The following NID2 variants were observed in gnomAD, a reference collection of about 807,000 sequenced individuals.
The protein encoded by NID2 is nidogen 2.
Under a neutral mutation model 145.4 loss-of-function variants are expected in NID2, and 83 were observed. The ratio of observed to expected loss-of-function variants is 0.57; its 90% CI spans 0.48 to 0.69. NID2 has a LOEUF of 0.69. Ranked by LOEUF, NID2 falls within the 30% of genes least tolerant of loss-of-function variation. The pLI is 0.00. For missense variants in NID2, 1,807 were observed against 1,765.7 expected, an observed-to-expected ratio of 1.02 and a Z score of -0.42; for synonymous variants, 739 against 701.3, an observed-to-expected ratio of 1.05 and a Z score of -0.85.
intron 9 of NID2, among the ~76,000 whole-genome samples, chr14:52,033,136 G>C (rs1345410604): frequency 1.3e-5 from 2 of 152,254 alleles, no homozygotes; most frequent in Non-Finnish European, 2.9e-5. Flanking sequence ...TCCTATTATA[G>C]TAAGTAAAGA....
chr14:52,066,321 C>T (rs1263996913), intron 2 of NID2, among the ~76,000 whole-genome samples: 3 of 133,792 alleles, frequency 2.2e-5, no homozygotes, highest in Admixed American at 7.4e-5. Flanking sequence ...TAACGGGTAC[C>T]AAAAAAAAAA....
rs140795744 is a variant in NID2 at position 52,057,172 on chromosome 14, G to C, written c.768-2851C>G. ...TCCTCCCACTTCAGCCTCCCAAATA[G>C]CTGGGTCTACGGGTGCACACCACCA... On this transcript the variant is annotated intron_variant, in intron 3 of 21. Transcript: ENST00000216286. 6.1e-3 allele frequency among the ~76,000 whole-genome samples: 930 copies of C among 152,162 alleles called. 13 individuals are homozygous for C. The highest frequency in any genetic ancestry group is 0.022 in the African/African-American group (896 of 41,522).
chr14:52,065,946 A>G (rs1369446077), intron 2 of NID2, among the ~76,000 whole-genome samples: 2 of 147,714 alleles, frequency 1.4e-5, no homozygotes, highest in South Asian at 2.2e-4. Flanking sequence ...GCTATTGTGA[A>G]TAGTGCCGCA....
intron 5 of NID2, among the ~76,000 whole-genome samples, chr14:52,046,198 C>T (rs987362600): frequency 1.3e-4 from 19 of 151,988 alleles, no homozygotes; most frequent in Non-Finnish European, 2.8e-4. Flanking sequence ...TGGTGGGCGC[C>T]TGTAGTCCCA....
chr14:52,011,461 A>G (rs1425351572), intron 17 of NID2, 93 bp downstream of exon 17: 4 of 1,522,484 alleles, frequency 2.6e-6, no homozygotes, highest in African/African-American at 1.4e-5. Flanking sequence ...ACCTCCCCTA[A>G]TGGAGAAAAA....
intron 12 of NID2, among the ~76,000 whole-genome samples, chr14:52,022,283 T>C (rs952187066): frequency 6.6e-6 from 1 of 152,090 alleles, no homozygotes; most frequent in Non-Finnish European, 1.5e-5. Context: ...ACAGAAACTA[T>C]TAGAAATGAC....
intron 2 of NID2, among the ~76,000 whole-genome samples, chr14:52,063,267 G>C (rs1893073103): frequency 6.6e-6 from 1 of 152,208 alleles, no homozygotes; most frequent in Admixed American, 6.5e-5. Flanking sequence ...TGCCAAACCT[G>C]ACAAACGAGT....
At chr14:52,007,366 A>G in intron 19 of NID2, 1 of 182,146 alleles carries the variant, frequency 5.5e-6, no homozygotes, top group South Asian at 1.2e-4. Flanking sequence ...TGTGCTGATA[A>G]AAGCAAACAA....
At chr14:52,008,230 A>G (rs567225898) in intron 18 of NID2, 12 of 331,672 alleles carry the variant, frequency 3.6e-5, no homozygotes, top group African/African-American at 2.4e-4. Flanking sequence ...GGGAAGCTGG[A>G]TGCCATGTTG....
chr14:52,050,201 C>T (rs1291715262), intron 5 of NID2, among the ~76,000 whole-genome samples: 1 of 152,182 alleles, frequency 6.6e-6, no homozygotes, highest in Non-Finnish European at 1.5e-5. Flanking sequence ...TTCCTTTCTA[C>T]TCACAACACA....
intron 2 of NID2, among the ~76,000 whole-genome samples, chr14:52,065,601 C>T (rs1893171991): frequency 8.0e-6 from 1 of 124,820 alleles, no homozygotes. Context: ...TGCGCTGCAC[C>T]CACTAACGTG....
intron 9 of NID2, among the ~76,000 whole-genome samples, chr14:52,030,568 G>GAACGAAC (rs1555363723): frequency 1.6e-4 from 6 of 37,724 alleles, no homozygotes; most frequent in African/African-American, 4.6e-4. Flanking sequence ...AAGAAAGAAA[G>GAACGAAC]GAAGGAAGGG....
At chr14:52,027,448 T>G in intron 11 of NID2, 104 bp from the exon 12 acceptor site, 1 of 1,057,600 alleles carries the variant, frequency 9.5e-7, no homozygotes, top group Non-Finnish European at 1.3e-6. Flanking sequence ...GACCAGGGAA[T>G]GCAGGTTCTC....
chr14:52,030,584 A>AGG (rs752845785), intron 9 of NID2, among the ~76,000 whole-genome samples: 1 of 33,030 alleles, frequency 3.0e-5, no homozygotes, highest in Admixed American at 3.1e-4. Flanking sequence ...AAGGGAAAGA[A>AGG]AGAAAGAAAG....
chr14:52,052,890 T>C (rs932622231), intron 5 of NID2, among the ~76,000 whole-genome samples: 3 of 152,200 alleles, frequency 2.0e-5, no homozygotes, highest in African/African-American at 7.2e-5. Context: ...ACTAGAAGAC[T>C]GACATAGACC....
At chr14:52,022,332 T>C (rs1181910786) in intron 12 of NID2, among the ~76,000 whole-genome samples, 2 of 152,176 alleles carry the variant, frequency 1.3e-5, no homozygotes, top group African/African-American at 4.8e-5. Context: ...ACTGAAGATA[T>C]CACAAGTGAG....
At chr14:52,030,932 G>A (rs768613153) in intron 9 of NID2, among the ~76,000 whole-genome samples, 11 of 152,198 alleles carry the variant, frequency 7.2e-5, no homozygotes, top group East Asian at 1.9e-4. Flanking sequence ...ACAGATAGGA[G>A]GATGCCTGAT....
intron 11 of NID2, 38 bp from the exon 12 acceptor site, chr14:52,027,382 G>T: frequency 6.8e-7 from 1 of 1,473,898 alleles, no homozygotes. Flanking sequence ...CAGAGTTTAG[G>T]CCTGCAAAGG....
chr14:52,061,587 G>A (rs904078491), intron 2 of NID2, among the ~76,000 whole-genome samples: 1 of 152,126 alleles, frequency 6.6e-6, no homozygotes, highest in African/African-American at 2.4e-5. Flanking sequence ...CAGGGTGGAG[G>A]TTGGGAGGTG....
Sources: gnomAD v4.1 joint callset for allele counts (sites outside exome capture counted in the v4.1 genomes callset) on GRCh38, gnomAD v4.1.1 for gene constraint, MANE v1.5 for transcripts, NCBI Gene and HGNC (gene_info 2026-07-23, HGNC 2026-07-21) for gene names.